AREL1: variants seen among roughly 807,000 people sequenced by gnomAD.
The protein encoded by AREL1 is apoptosis resistant E3 ubiquitin protein ligase 1.
AREL1 carries 62 observed loss-of-function variants against 99.0 expected under a neutral mutation model. The observed-to-expected ratio is 0.63, with a 90% CI of 0.51 to 0.77. The LOEUF (loss-of-function observed/expected upper bound fraction) is 0.77. Among genes scored for constraint, AREL1 ranks in the 30% least tolerant of loss-of-function variants. AREL1 has a pLI of 0.00. For missense variants in AREL1, 879 were observed against 1,027.6 expected (o/e 0.86, Z 1.98); for synonymous variants, 380 against 376.5 (o/e 1.01, Z -0.11).
rs148328252 is a variant in AREL1, at chr14:74,697,531, TAA to T, written c.-333-5205_-333-5204del. Among the ~76,000 whole-genome samples, 563 of 152,308 alleles carry T rather than the reference TAA, an allele frequency of 3.7e-3. 4 individuals are homozygous for T. Among genetic ancestry groups the T allele is most frequent in the African/African-American group, 0.013 (539 of 41,564 alleles). On this transcript the variant is annotated intron_variant, in intron 1 of 19. Transcript: ENST00000356357. ...TACTCCCCAACCCAAAATCCCACCA[TAA>T]AAGATTGCCCTCCTCCATCAAGTTT...
chr14:74,683,357 G>A lies in AREL1; in HGVS notation c.420C>T (p.Ile140=), dbSNP rs539301647. The A allele has an allele frequency of 6.2e-7, 1 of 1,614,046 alleles. No homozygotes were observed. The highest frequency in any genetic ancestry group is 1.3e-5 in the African/African-American group (1 of 74,918). ...FTVRKAGRYE[I]TVKLGGLNVA... The stretch of plus-strand genomic sequence containing the variant: ...CATTTAATCCACCAAGCTTCACTGT[G>A]ATTTCATAACGCCCAGCCTTGCGCA... The change falls in exon 5 of 20, where the codon ATC becomes ATT. Residue 140 remains isoleucine, a synonymous_variant. Coordinates refer to ENST00000356357, the MANE Select transcript of AREL1 (RefSeq NM_001039479.2).
intron 11 of AREL1, among the ~76,000 whole-genome samples, chr14:74,672,607 C>T (rs2089374574): frequency 6.6e-6 from 1 of 152,092 alleles, no homozygotes; most frequent in African/African-American, 2.4e-5. Flanking sequence ...CATGGTGACA[C>T]ATACCTATAG....
intron 11 of AREL1, 100 bp from the exon 12 acceptor site, chr14:74,671,583 C>T (rs933813942): frequency 6.0e-6 from 4 of 664,968 alleles, no homozygotes; most frequent in Non-Finnish European, 7.6e-6. Context: ...GCTGGACTAA[C>T]TACGACTGCC....
intron 11 of AREL1, 109 bp from the exon 12 acceptor site, chr14:74,671,592 C>A: frequency 1.7e-6 from 1 of 597,140 alleles, no homozygotes; most frequent in Non-Finnish European, 2.9e-6. Flanking sequence ...ACTACGACTG[C>A]CTGAAGGAGA....
chr14:74,684,802 A>G, intron 3 of AREL1, 122 bp from the exon 4 acceptor site: 1 of 815,598 alleles, frequency 1.2e-6, no homozygotes, highest in Non-Finnish European at 2.0e-6. Context: ...AAGACTGCCA[A>G]AGAAACACTG....
intron 4 of AREL1, 43 bp downstream of exon 4, chr14:74,684,411 C>A: frequency 1.3e-6 from 2 of 1,584,408 alleles, no homozygotes; most frequent in Non-Finnish European, 8.7e-7. Context: ...AAGCAAGTTA[C>A]TCAGAAACCC....
rs1362595621 is a variant in AREL1 at position 74,667,502 on chromosome 14, G to C, written c.2007C>G (p.Ala669=). The stretch of plus-strand genomic sequence containing the variant: ...GTTCCACCTCCTCTTTCACTTGACT[G>C]GCCAGCCGATATTGGGCCAGCAAAT... ...YLNLLAQYRL[A]SQVKEEVEHF... The change falls in exon 16 of 20, where the codon GCC becomes GCG. Residue 669 remains alanine (A), a synonymous_variant. Transcript: ENST00000356357. 1 of 1,613,600 alleles carries C rather than the reference G, an allele frequency of 6.2e-7. No homozygotes were observed. The highest frequency in any genetic ancestry group is 1.3e-5 in the African/African-American group (1 of 74,898).
At chr14:74,703,133 C>G (rs1318635910) in intron 1 of AREL1, among the ~76,000 whole-genome samples, 1 of 152,150 alleles carries the variant, frequency 6.6e-6, no homozygotes, top group Non-Finnish European at 1.5e-5. Context: ...CTCTATTAGT[C>G]CATTTTCACA....
intron 1 of AREL1, among the ~76,000 whole-genome samples, chr14:74,699,737 T>C (rs980701395): frequency 4.6e-5 from 7 of 152,212 alleles, no homozygotes; most frequent in Non-Finnish European, 7.3e-5. Flanking sequence ...TCATTTTGTT[T>C]GAAGGAGAAG....
At chr14:74,680,915 G>GC (rs1345701799) in intron 5 of AREL1, among the ~76,000 whole-genome samples, 4 of 152,192 alleles carry the variant, frequency 2.6e-5, no homozygotes, top group African/African-American at 9.6e-5. Flanking sequence ...AGACATAGTG[G>GC]CTCATGCCTG....
chr14:74,693,862 A>C (rs1254346385), intron 1 of AREL1, among the ~76,000 whole-genome samples: 2 of 152,232 alleles, frequency 1.3e-5, no homozygotes, highest in Admixed American at 6.5e-5. Context: ...AAAATAAATA[A>C]GTATATGTAT....
At chr14:74,665,802 T>C (rs558999926) in intron 17 of AREL1, among the ~76,000 whole-genome samples, 21 of 152,308 alleles carry the variant, frequency 1.4e-4, no homozygotes, top group African/African-American at 5.1e-4. Context: ...TAAAGAATAA[T>C]ACATTCTAAC....
chr14:74,695,065 TTTCC>T (rs1371652244), intron 1 of AREL1, among the ~76,000 whole-genome samples: 5 of 150,250 alleles, frequency 3.3e-5, no homozygotes, highest in African/African-American at 4.9e-5. Flanking sequence ...TGAACTTTTC[TTTCC>T]TTCTTTTTTT....
chr14:74,680,322 T>C lies in AREL1; in HGVS notation c.481+2974A>G, dbSNP rs1331705807. On this transcript the variant is annotated intron_variant, in intron 5 of 19. Coordinates refer to ENST00000356357, the MANE Select transcript of AREL1 (RefSeq NM_001039479.2). ...TGAAAAGATGTTCAATAGCATTAAC[T>C]ATTTAAGAAATGCAAATTAAAAGCA... is the stretch of plus-strand genomic sequence containing the variant. Among the ~76,000 whole-genome samples, 3 of 152,334 alleles carry C rather than the reference T, an allele frequency of 2.0e-5. No individual in the cohort carries two copies. The East Asian group carries it at 5.8e-4, about 29-fold the overall frequency.
Position 74,664,023 on chromosome 14 carries a change from C to A in AREL1, c.2245G>T (p.Ala749Ser). The A allele has an allele frequency of 6.2e-7, 1 of 1,614,130 alleles. No homozygotes were observed. Among genetic ancestry groups the A allele is most frequent in the South Asian group, 1.1e-5 (1 of 91,078 alleles). The stretch of plus-strand genomic sequence containing the variant: ...CCTGTTGTGAACTGAAGTAGCCGAG[C>A]CAACTCCTCCTGGGTCAGACTGGAA... Reference protein sequence around the residue: ...VVSSLTQEELARLLQFTTGSS... With the variant: ...VVSSLTQEELSRLLQFTTGSS... The change falls in exon 19 of 20, where the codon GCT becomes TCT. Residue 749 changes from alanine (A) to serine (S), a missense_variant. Ala to Ser is a moderately conservative substitution (Grantham distance 99). Transcript: ENST00000356357.
chr14:74,672,774 A>G (rs970215305), intron 11 of AREL1, 57 bp downstream of exon 11: 19 of 1,610,214 alleles, frequency 1.2e-5, no homozygotes, highest in Middle Eastern at 1.7e-4. Context: ...CCTGCAGAAT[A>G]TAGACATTCA....
intron 1 of AREL1, among the ~76,000 whole-genome samples, chr14:74,700,833 T>C (rs1227885356): frequency 2.0e-5 from 3 of 152,174 alleles, no homozygotes; most frequent in African/African-American, 4.8e-5. Flanking sequence ...GACTTCATTT[T>C]AGACTTTAAG....
At position 74,670,820 on chromosome 14, in the gene AREL1, G is replaced by A. The variant is rs999898222; in HGVS notation, c.1550C>T (p.Ala517Val). The change falls in exon 13 of 20, where the codon GCA (alanine) becomes GTA (valine). Residue 517 changes from alanine (A) to valine (V), a missense_variant. Ala to Val is a moderately conservative substitution (Grantham distance 64, BLOSUM62 0). Coordinates refer to ENST00000356357, the MANE Select transcript of AREL1 (RefSeq NM_001039479.2). ...GAGCTGATTGGTGGTATCAAATAGT[G>A]CTTTGCAGATTAGCTCAAACCATTC... Reference protein sequence around the residue: ...RREWFELICKALFDTTNQLFT... With the variant: ...RREWFELICKVLFDTTNQLFT... 4.3e-6 allele frequency: 7 copies of A among 1,614,118 alleles called. No individual in the cohort carries two copies. Among genetic ancestry groups the A allele is most frequent in the Non-Finnish European group, 5.9e-6 (7 of 1,179,994 alleles).
At chr14:74,680,920 T>G (rs79197559) in intron 5 of AREL1, among the ~76,000 whole-genome samples, 1 of 152,328 alleles carries the variant, frequency 6.6e-6, no homozygotes, top group African/African-American at 2.4e-5. Context: ...TAGTGGCTCA[T>G]GCCTGTAATC....
Sources: allele counts gnomAD v4.1 joint callset (sites outside exome capture counted in the v4.1 genomes callset), GRCh38; gene constraint gnomAD v4.1.1; transcripts MANE v1.5; gene names NCBI Gene and HGNC (gene_info 2026-07-23, HGNC 2026-07-21).